Variants in TAFA2 observed in about 807,000 individuals in gnomAD.
TAFA2 encodes the protein TAFA chemokine like family member 2.
Under a neutral mutation model 18.8 loss-of-function variants are expected in TAFA2, and 7 were observed. The ratio of observed to expected loss-of-function variants is 0.37; its 90% CI spans 0.21 to 0.70. The LOEUF (loss-of-function observed/expected upper bound fraction) is 0.70. Among genes scored for constraint, TAFA2 ranks in the 30% least tolerant of loss-of-function variants. The pLI is 0.53. For synonymous variants in TAFA2, 60 were observed against 54.2 expected, an observed-to-expected ratio of 1.11 and a Z score of -0.47; for missense variants, 122 against 158.1, an observed-to-expected ratio of 0.77 and a Z score of 1.23.
At chr12:62,221,106 AAAAAACAAAAAC>A (rs1196512700) in intron 1 of TAFA2, among the ~76,000 whole-genome samples, 68 of 151,244 alleles carry the variant, frequency 4.5e-4, no homozygotes, top group African/African-American at 8.5e-4. Context: ...TCCGTCTAAA[AAAAAACAAAAAC>A]AAAAACAAAA....
chr12:62,217,131 T>C (rs1008378553), intron 1 of TAFA2, among the ~76,000 whole-genome samples: 6 of 152,226 alleles, frequency 3.9e-5, no homozygotes, highest in Admixed American at 2.0e-4. Flanking sequence ...TATTGGCAAA[T>C]ACTGCTTTTA....
At chr12:61,815,483 G>T (rs1872042269) in intron 2 of TAFA2, among the ~76,000 whole-genome samples, 1 of 150,962 alleles carries the variant, frequency 6.6e-6, no homozygotes. Flanking sequence ...TGTGAATGGT[G>T]AAACCCCGTC....
At chr12:61,928,137 C>A (rs1877387369) in intron 1 of TAFA2, among the ~76,000 whole-genome samples, 1 of 152,272 alleles carries the variant, frequency 6.6e-6, no homozygotes, top group East Asian at 1.9e-4. Flanking sequence ...AAATCAATGG[C>A]AACGAAGCCA....
At chr12:62,220,359 A>G (rs1169362382) in intron 1 of TAFA2, among the ~76,000 whole-genome samples, 1 of 152,218 alleles carries the variant, frequency 6.6e-6, no homozygotes, top group Non-Finnish European at 1.5e-5. Context: ...ATACCACTAC[A>G]CACCTGTAAG....
intron 2 of TAFA2, among the ~76,000 whole-genome samples, chr12:61,832,956 T>C (rs1872773606): frequency 6.6e-6 from 1 of 150,596 alleles, no homozygotes; most frequent in Non-Finnish European, 1.5e-5. Flanking sequence ...TACATCTTTG[T>C]TGAGCATCTA....
intron 1 of TAFA2, among the ~76,000 whole-genome samples, chr12:61,916,579 T>G (rs1484247557): frequency 1.3e-5 from 2 of 152,238 alleles, no homozygotes; most frequent in Non-Finnish European, 2.9e-5. Flanking sequence ...GCAGACCCTC[T>G]ATTGCCTGTT....
intron 1 of TAFA2, among the ~76,000 whole-genome samples, chr12:62,080,944 C>T (rs1161474962): frequency 6.6e-6 from 1 of 152,180 alleles, no homozygotes; most frequent in Non-Finnish European, 1.5e-5. Flanking sequence ...CCTGTAACCC[C>T]AGCACTTTGG....
chr12:62,001,362 T>C (rs1565711371), intron 1 of TAFA2, among the ~76,000 whole-genome samples: 1 of 152,134 alleles, frequency 6.6e-6, no homozygotes, highest in African/African-American at 2.4e-5. Context: ...ATTTTATTTC[T>C]ATTATTATTA....
intron 2 of TAFA2, among the ~76,000 whole-genome samples, chr12:61,803,914 T>C (rs1871503599): frequency 6.6e-6 from 1 of 151,974 alleles, no homozygotes; most frequent in South Asian, 2.1e-4. Context: ...ATAGCTATAA[T>C]TTATATATCA....
At chr12:61,842,790 A>C (rs947873215) in intron 2 of TAFA2, among the ~76,000 whole-genome samples, 2 of 152,174 alleles carry the variant, frequency 1.3e-5, no homozygotes, top group Non-Finnish European at 2.9e-5. Context: ...ACATTGAAGT[A>C]GACATCTTTC....
intron 1 of TAFA2, among the ~76,000 whole-genome samples, chr12:62,083,032 C>T (rs1215925001): frequency 6.6e-6 from 1 of 152,044 alleles, no homozygotes; most frequent in Non-Finnish European, 1.5e-5. Context: ...ATCACACAGC[C>T]AGTAAAAGCC....
At chr12:61,768,814 A>C (rs543377409) in intron 2 of TAFA2, among the ~76,000 whole-genome samples, 1 of 152,184 alleles carries the variant, frequency 6.6e-6, no homozygotes, top group Admixed American at 6.5e-5. Flanking sequence ...CTGAACATGA[A>C]GTTTCCTAGA....
chr12:61,917,073 T>C (rs1876850297), intron 1 of TAFA2, among the ~76,000 whole-genome samples: 1 of 152,082 alleles, frequency 6.6e-6, no homozygotes, highest in Admixed American at 6.6e-5. Flanking sequence ...AATCCTGCCA[T>C]TTGAATATAC....
chr12:62,071,168 G>A (rs1225896361), intron 1 of TAFA2, among the ~76,000 whole-genome samples: 2 of 152,140 alleles, frequency 1.3e-5, no homozygotes, highest in Admixed American at 1.3e-4. Flanking sequence ...GGGTATAAGT[G>A]CTACAGAAAG....
intron 1 of TAFA2, among the ~76,000 whole-genome samples, chr12:62,221,928 C>T (rs1186110814): frequency 6.6e-6 from 1 of 152,068 alleles, no homozygotes; most frequent in Non-Finnish European, 1.5e-5. Context: ...TAACACGCAA[C>T]TACAAAGTGC....
upstream of TAFA2, among the ~76,000 whole-genome samples, chr12:62,259,318 A>G (rs1253089212): frequency 1.3e-5 from 2 of 152,228 alleles, no homozygotes; most frequent in Non-Finnish European, 2.9e-5. Flanking sequence ...CATGTCCATC[A>G]GTACTGTGCT....
intron 1 of TAFA2, among the ~76,000 whole-genome samples, chr12:61,869,295 C>A (rs1289314042): frequency 2.6e-5 from 4 of 152,092 alleles, no homozygotes; most frequent in African/African-American, 9.7e-5. Context: ...TTTTCATTGT[C>A]AGTAAGACGA....
intron 1 of TAFA2, chr12:62,022,011 G>A: frequency 1.5e-6 from 1 of 653,768 alleles, no homozygotes; most frequent in Non-Finnish European, 2.9e-6. Flanking sequence ...CAATGGCACA[G>A]ACCCCTAGCG....
In TAFA2 at chr12:61,708,961, T is replaced by C. The variant is rs901963888; in HGVS notation, c.*1445A>G. ...CCTTCTTCCATACCACCTTCCATGA[T>C]GGAAATTCTAACAGGACAATTTTTG... On this transcript the variant is annotated 3_prime_UTR_variant, in exon 5 of 5. Transcript: ENST00000416284. 21 of 152,472 alleles carry C rather than the reference T, an allele frequency of 1.4e-4. No homozygotes were observed. The highest frequency in any genetic ancestry group is 6.6e-5 in the Admixed American group (1 of 15,244). The allele number at this position is 152,472 out of a possible 1,614,324, so 9.4% of individuals were successfully genotyped here.
Sources: gnomAD v4.1 joint callset for allele counts (sites outside exome capture counted in the v4.1 genomes callset) on GRCh38, gnomAD v4.1.1 for gene constraint, MANE v1.5 for transcripts, NCBI Gene and HGNC (gene_info 2026-07-23, HGNC 2026-07-21) for gene names.